The following EPB41L2 variants were observed in gnomAD, a reference collection of about 807,000 sequenced individuals.
EPB41L2 encodes the protein erythrocyte membrane protein band 4.1 like 2.
EPB41L2 carries 43 observed loss-of-function variants against 113.0 expected under a neutral mutation model. The observed-to-expected ratio is 0.38, with a 90% confidence interval of 0.30 to 0.49. The LOEUF (loss-of-function observed/expected upper bound fraction) is 0.49, where lower values mean the gene tolerates loss of function less well. Ranked by LOEUF, EPB41L2 falls within the 20% of genes least tolerant of loss-of-function variation. The pLI is 0.95. For missense variants in EPB41L2, 1,147 were observed against 1,223.4 expected, an observed-to-expected ratio of 0.94 and a Z score of 0.93; for synonymous variants, 442 against 436.7, an observed-to-expected ratio of 1.01 and a Z score of -0.15.
At chr6:130,948,806 TA>T (rs1208760814) in intron 3 of EPB41L2, among the ~76,000 whole-genome samples, 1 of 152,056 alleles carries the variant, frequency 6.6e-6, no homozygotes, top group Non-Finnish European at 1.5e-5. Context: ...TATATGATGG[TA>T]AAAAAAGAAA....
chr6:130,856,003 C>G (rs954575108), intron 19 of EPB41L2, among the ~76,000 whole-genome samples: 2 of 151,990 alleles, frequency 1.3e-5, no homozygotes, highest in Non-Finnish European at 2.9e-5. Context: ...CAGAAACACC[C>G]CCACACATAA....
chr6:130,870,133 A>G lies in EPB41L2; in HGVS notation c.2044-7T>C. ...TCAGAGTCTCATGTGAACTCTGTAC[A>G]AAAAAAGATGGATGAGGGAAAACAA... is the stretch of plus-strand genomic sequence containing the variant. On this transcript the variant is annotated splice_polypyrimidine_tract_variant and splice_region_variant and intron_variant, in intron 14 of 19. Transcript: ENST00000337057. 6.3e-7 allele frequency: 1 copy of G among 1,582,986 alleles called. No individual in the cohort carries two copies. The highest frequency in any genetic ancestry group is 8.6e-7 in the Non-Finnish European group (1 of 1,165,854).
chr6:130,900,278 C>G (rs888375983), intron 7 of EPB41L2, among the ~76,000 whole-genome samples: 3 of 148,834 alleles, frequency 2.0e-5, no homozygotes, highest in Admixed American at 6.6e-5. Context: ...GTTTAAAAAC[C>G]TAATTTTTGA....
chr6:131,013,247 A>AT (rs201323335), intron 1 of EPB41L2, among the ~76,000 whole-genome samples: 32 of 149,318 alleles, frequency 2.1e-4, no homozygotes, highest in African/African-American at 4.9e-4. Context: ...AAGAAAAAAA[A>AT]AAATATATAT....
At chr6:130,910,960 G>A (rs188086131) in intron 4 of EPB41L2, among the ~76,000 whole-genome samples, 68 of 152,166 alleles carry the variant, frequency 4.5e-4, no homozygotes, top group South Asian at 1.0e-3. Context: ...TGTGGAAGAC[G>A]GTGTGGTGAT....
At chr6:130,972,677 T>C (rs73774338) in intron 1 of EPB41L2, among the ~76,000 whole-genome samples, 1,998 of 152,226 alleles carry the variant, frequency 0.013, 41 homozygotes, top group South Asian at 0.039. Context: ...GTAGTAATTA[T>C]CTGTTCACAT....
Position 130,881,041 on chromosome 6 carries a change from A to G in EPB41L2, c.1834-835T>C, listed in dbSNP as rs192813962. 8.5e-5 allele frequency: 13 copies of G among 152,354 alleles called. No individual in the cohort carries two copies. In the East Asian group the frequency reaches 2.5e-3, roughly 29 times the overall value. 9.4% of individuals were successfully genotyped at this position (152,354 alleles called of 1,614,324 possible). A position where few individuals can be genotyped will look rare whatever the true frequency, so the allele number is the denominator to read the frequency against. On this transcript the variant is annotated intron_variant, in intron 12 of 19. Coordinates refer to ENST00000337057, the MANE Select transcript of EPB41L2 (RefSeq NM_001431.4). ...TTTGAAATATAACCACTTACATAAA[A>G]TTCTTTAAATAAGAACAGTTTTTCA...
chr6:130,969,065 C>A (rs1272321898), intron 1 of EPB41L2, among the ~76,000 whole-genome samples: 2 of 152,002 alleles, frequency 1.3e-5, no homozygotes, highest in African/African-American at 2.4e-5. Context: ...TATAGATCAC[C>A]AATATATTAT....
intron 11 of EPB41L2, among the ~76,000 whole-genome samples, chr6:130,886,518 T>C (rs992934223): frequency 1.3e-5 from 2 of 152,192 alleles, no homozygotes; most frequent in Admixed American, 6.5e-5. Context: ...GTGGAGATTT[T>C]CCCAGCCCTT....
chr6:131,028,161 G>A lies in EPB41L2; in HGVS notation c.-15+34994C>T, dbSNP rs537790303. Among the ~76,000 whole-genome samples, 8 of 152,244 alleles carry A rather than the reference G, an allele frequency of 5.3e-5. No homozygotes were observed. In the East Asian group the frequency reaches 5.8e-4, roughly 11 times the overall value. ...AATCTAGAGCAACATCAGGATTACCGACACCTTCTAAGAATTAACGTGTTT... is the reference window on the plus strand; with the variant it reads ...AATCTAGAGCAACATCAGGATTACCAACACCTTCTAAGAATTAACGTGTTT... On this transcript the variant is annotated intron_variant, in intron 1 of 19. Coordinates refer to ENST00000337057, the MANE Select transcript of EPB41L2 (RefSeq NM_001431.4).
At position 130,890,854 on chromosome 6, in the gene EPB41L2, T is replaced by G. The variant is rs147381185; in HGVS notation, c.1488-388A>C. On this transcript the variant is annotated intron_variant, in intron 10 of 19. Coordinates refer to ENST00000337057, the MANE Select transcript of EPB41L2 (RefSeq NM_001431.4). ...ATTAGTAATTCTTAATATTTATGCC[T>G]ATTTCTCCTGGGAAGAAAACATCTA... Among the ~76,000 whole-genome samples, 3 of 152,350 alleles carry G rather than the reference T, an allele frequency of 2.0e-5. No individual in the cohort carries two copies. In the East Asian group the frequency reaches 5.8e-4, roughly 29 times the overall value.
Position 130,956,177 on chromosome 6 carries a change from G to A in EPB41L2, c.309C>T (p.Thr103=). ...AGACCTGTTCTTCAACAACAGCTTG[G>A]GTAGGCTCTTTTTTATCTCCTCCAT... ...AKDGGDKKEP[T]QAVVEEQVLD... Residue 103 remains threonine (T), a synonymous_variant, in exon 2 of 20, where the codon ACC becomes ACT. Transcript: ENST00000337057. 6.2e-7 allele frequency: 1 copy of A among 1,614,056 alleles called. No individual in the cohort carries two copies. The highest frequency in any genetic ancestry group is 1.3e-5 in the African/African-American group (1 of 74,986).
intron 6 of EPB41L2, among the ~76,000 whole-genome samples, chr6:130,903,804 G>A (rs1796962587): frequency 6.6e-6 from 1 of 152,174 alleles, no homozygotes; most frequent in Non-Finnish European, 1.5e-5. Context: ...CTGGTACCCA[G>A]TCTAACTGGG....
chr6:130,947,023 C>CCCCCCCCCG (rs1813119438), intron 3 of EPB41L2, among the ~76,000 whole-genome samples: 1 of 142,864 alleles, frequency 7.0e-6, no homozygotes, highest in African/African-American at 2.7e-5. Flanking sequence ...GAAGACCCCC[C>CCCCCCCCCG]CCCCAGCCCC....
At chr6:131,036,842 T>A (rs139258487) in intron 1 of EPB41L2, among the ~76,000 whole-genome samples, 1,700 of 152,172 alleles carry the variant, frequency 0.011, 7 homozygotes, top group Non-Finnish European at 0.017. Context: ...AGGCCAGAAG[T>A]GATGAGACAG....
intron 1 of EPB41L2, among the ~76,000 whole-genome samples, chr6:131,034,960 G>C (rs1292024287): frequency 6.6e-6 from 1 of 152,150 alleles, no homozygotes; most frequent in Non-Finnish European, 1.5e-5. Flanking sequence ...AGGGAGAAAA[G>C]ATTCTTCACA....
At position 130,915,074 on chromosome 6, in the gene EPB41L2, CG is replaced by C. The variant is rs1173115778; in HGVS notation, c.811-6212del. ...ATCCCAGCACTTTGGGAGGCCGAGG[CG>C]GGCGGATCACGAGGTCAGGAGATCG... On this transcript the variant is annotated intron_variant, in intron 4 of 19. Coordinates refer to ENST00000337057, the MANE Select transcript of EPB41L2 (RefSeq NM_001431.4). Among the ~76,000 whole-genome samples, 5 of 151,704 alleles carry C rather than the reference CG, an allele frequency of 3.3e-5. No individual in the cohort carries two copies. In the East Asian group the frequency reaches 7.7e-4, roughly 24 times the overall value.
At chr6:130,969,702 C>A (rs1710288070) in intron 1 of EPB41L2, among the ~76,000 whole-genome samples, 1 of 152,144 alleles carries the variant, frequency 6.6e-6, no homozygotes, top group Admixed American at 6.5e-5. Flanking sequence ...AGTACAACTT[C>A]TTTTAATCAA....
In EPB41L2 at chr6:130,863,732, A is replaced by G; in HGVS notation, c.2830-14T>C. 1 of 1,599,532 alleles carries G rather than the reference A, an allele frequency of 6.3e-7. No homozygotes were observed. Among genetic ancestry groups the G allele is most frequent in the Non-Finnish European group, 8.6e-7 (1 of 1,167,510 alleles). ...ACCTTTTACAGTCTAAAGGTCATAA[A>G]GGAGAAGAAGAAAAAACAGCAATCA... is the stretch of plus-strand genomic sequence containing the variant. On this transcript the variant is annotated splice_polypyrimidine_tract_variant and intron_variant, in intron 17 of 19. Coordinates refer to ENST00000337057, the MANE Select transcript of EPB41L2 (RefSeq NM_001431.4).
Sources: allele counts gnomAD v4.1 joint callset (sites outside exome capture counted in the v4.1 genomes callset), GRCh38; gene constraint gnomAD v4.1.1; transcripts MANE v1.5; gene names NCBI Gene and HGNC (gene_info 2026-07-23, HGNC 2026-07-21).